The following UBR1 variants were observed in gnomAD, a reference collection of about 807,000 sequenced individuals.
UBR1 encodes E3 ubiquitin-protein ligase UBR1.
UBR1 carries 102 observed loss-of-function variants against 242.1 expected under a neutral mutation model. The observed-to-expected ratio is 0.42, with a 90% CI of 0.36 to 0.50. The LOEUF (loss-of-function observed/expected upper bound fraction) is 0.50, where lower values mean the gene tolerates loss of function less well. Among genes scored for constraint, UBR1 ranks in the 20% least tolerant of loss-of-function variants. The pLI is 0.01. For missense variants in UBR1, 1,772 were observed against 2,101.8 expected, an observed-to-expected ratio of 0.84 and a Z score of 3.07; for synonymous variants, 675 against 684.8, an observed-to-expected ratio of 0.99 and a Z score of 0.22.
At chr15:43,007,561 G>A (rs2032852055) in intron 29 of UBR1, among the ~76,000 whole-genome samples, 1 of 150,374 alleles carries the variant, frequency 6.7e-6, no homozygotes. Context: ...CAATAAGCTG[G>A]GCTTTTTTTT....
intron 3 of UBR1, among the ~76,000 whole-genome samples, chr15:43,078,934 A>G (rs2033940626): frequency 6.6e-6 from 1 of 152,038 alleles, no homozygotes; most frequent in African/African-American, 2.4e-5. Flanking sequence ...AAAAAATACA[A>G]GAAGATGAGA....
chr15:43,040,153 C>G (rs1221579455), intron 15 of UBR1, among the ~76,000 whole-genome samples: 9 of 152,082 alleles, frequency 5.9e-5, no homozygotes, highest in Non-Finnish European at 1.0e-4. Context: ...CAATCCTAAG[C>G]CAAAAGAACA....
intron 14 of UBR1, among the ~76,000 whole-genome samples, chr15:43,045,380 T>C (rs1936309702): frequency 6.6e-6 from 1 of 151,822 alleles, no homozygotes; most frequent in South Asian, 2.1e-4. Flanking sequence ...GGTGGGAGGA[T>C]CATGTGAGGC....
At chr15:43,052,914 C>T (rs2141331475) in intron 12 of UBR1, among the ~76,000 whole-genome samples, 1 of 152,252 alleles carries the variant, frequency 6.6e-6, no homozygotes, top group South Asian at 2.1e-4. Context: ...AATCTCAGTT[C>T]TGCCACTTAC....
intron 44 of UBR1, among the ~76,000 whole-genome samples, chr15:42,953,953 G>A (rs2031875923): frequency 6.6e-6 from 1 of 151,144 alleles, no homozygotes. Flanking sequence ...CACAGTCACG[G>A]CTCACTGCTG....
chr15:42,955,759 T>C (rs761720609), intron 44 of UBR1, among the ~76,000 whole-genome samples: 1 of 152,216 alleles, frequency 6.6e-6, no homozygotes, highest in African/African-American at 2.4e-5. Context: ...GTGGTGGTCA[T>C]GATTCATGCT....
chr15:42,995,810 G>A (rs1342923767), intron 33 of UBR1, among the ~76,000 whole-genome samples: 1 of 152,164 alleles, frequency 6.6e-6, no homozygotes, highest in Admixed American at 6.5e-5. Flanking sequence ...TGTGGTAAAG[G>A]TTTTGTTATA....
intron 31 of UBR1, among the ~76,000 whole-genome samples, chr15:43,002,944 T>TCATA (rs2032748785): frequency 1.3e-5 from 2 of 152,200 alleles, no homozygotes; most frequent in Non-Finnish European, 2.9e-5. Context: ...GTTTATTGAA[T>TCATA]CATAACTCAT....
chr15:43,035,558 T>G lies in UBR1; in HGVS notation c.2190+620A>C, dbSNP rs1359106702. Among the ~76,000 whole-genome samples the G allele has an allele frequency of 2.0e-5, 3 of 149,716 alleles. No homozygotes were observed. In the East Asian group the frequency reaches 5.8e-4, roughly 29 times the overall value. ...TGTCAGATGAGTAGGTTGCGAAAAT[T>G]TTCTCCCATTTTGTAGGTTGCCTGT... is the stretch of plus-strand genomic sequence containing the variant. On this transcript the variant is annotated intron_variant, in intron 19 of 46. Coordinates refer to ENST00000290650, the MANE Select transcript of UBR1 (RefSeq NM_174916.3).
chr15:43,087,648 T>G (rs2141362208), intron 1 of UBR1, among the ~76,000 whole-genome samples: 1 of 152,286 alleles, frequency 6.6e-6, no homozygotes, highest in South Asian at 2.1e-4. Context: ...AAGGGCAATT[T>G]GTAGACAGTT....
At chr15:43,057,511 T>C (rs1186110407) in intron 10 of UBR1, among the ~76,000 whole-genome samples, 1 of 152,222 alleles carries the variant, frequency 6.6e-6, no homozygotes, top group Non-Finnish European at 1.5e-5. Context: ...TTGATCTGTA[T>C]ACCCTTGCAA....
At chr15:42,984,041 G>T in intron 36 of UBR1, 48 bp from the exon 37 acceptor site, 1 of 1,132,928 alleles carries the variant, frequency 8.8e-7, no homozygotes, top group South Asian at 1.3e-5. Flanking sequence ...GAAGATGAGA[G>T]ACCTAAGTCA....
At chr15:43,044,990 C>T (rs999877201) in intron 14 of UBR1, among the ~76,000 whole-genome samples, 1 of 152,152 alleles carries the variant, frequency 6.6e-6, no homozygotes, top group Non-Finnish European at 1.5e-5. Context: ...TACATGAACC[C>T]AGAACATTTT....
intron 37 of UBR1, among the ~76,000 whole-genome samples, chr15:42,983,039 T>C (rs979659789): frequency 3.3e-5 from 5 of 152,184 alleles, no homozygotes; most frequent in Non-Finnish European, 5.9e-5. Context: ...TTTATTTCTA[T>C]ACTAATTGAG....
At chr15:42,989,950 G>A in intron 34 of UBR1, 80 bp downstream of exon 34, 1 of 991,334 alleles carries the variant, frequency 1.0e-6, no homozygotes, top group Non-Finnish European at 1.5e-6. Context: ...AAAAAGTAAG[G>A]AAAGATGGAA....
chr15:42,996,435 A>G (rs1438700760), intron 33 of UBR1, among the ~76,000 whole-genome samples: 1 of 152,114 alleles, frequency 6.6e-6, no homozygotes, highest in Non-Finnish European at 1.5e-5. Context: ...TGTCTCTACA[A>G]AAAATTTAAA....
intron 3 of UBR1, among the ~76,000 whole-genome samples, chr15:43,076,649 G>A: frequency 6.8e-6 from 1 of 147,182 alleles, no homozygotes; most frequent in Admixed American, 6.7e-5. Context: ...TCTGAGAAGT[G>A]AGGAAACCCT....
At position 42,944,968 on chromosome 15, in the gene UBR1, A is replaced by G; in HGVS notation, c.*361T>C. On this transcript the variant is annotated 3_prime_UTR_variant, in exon 47 of 47. Transcript: ENST00000290650. Reference sequence around the variant, plus strand: ...TCAGTTGAACTAAACTTGGGGGGAAAACACCAAATACAAAATTGCAGAAGA... The same window carrying G: ...TCAGTTGAACTAAACTTGGGGGGAAGACACCAAATACAAAATTGCAGAAGA... 3.7e-6 allele frequency: 1 copy of G among 271,290 alleles called. No individual in the cohort carries two copies. Among genetic ancestry groups the G allele is most frequent in the Non-Finnish European group, 7.2e-6 (1 of 139,196 alleles). The allele number at this position is 271,290 out of a possible 1,614,324, so 16.8% of individuals were successfully genotyped here. A position where few individuals can be genotyped will look rare whatever the true frequency, so the allele number is the denominator to read the frequency against.
At chr15:43,056,678 TA>T (rs2141334630) in intron 10 of UBR1, among the ~76,000 whole-genome samples, 1 of 152,228 alleles carries the variant, frequency 6.6e-6, no homozygotes, top group Admixed American at 6.5e-5. Flanking sequence ...TGGAAACTAT[TA>T]AAATATACAC....
Sources: allele counts gnomAD v4.1 joint callset (sites outside exome capture counted in the v4.1 genomes callset), GRCh38; gene constraint gnomAD v4.1.1; transcripts MANE v1.5; gene names NCBI Gene and HGNC (gene_info 2026-07-23, HGNC 2026-07-21).